Variants in BCR observed in about 807,000 individuals in gnomAD.
BCR encodes the protein breakpoint cluster region protein.
In BCR, 58 loss-of-function variants were observed where a neutral mutation model predicts 138.6. The observed-to-expected ratio is 0.42, with a 90% CI of 0.34 to 0.52. The LOEUF is 0.52. Ranked by LOEUF, BCR falls within the 20% of genes least tolerant of loss-of-function variation. The pLI is 0.06. For missense variants in BCR, 1,599 were observed against 1,727.2 expected (o/e 0.93, Z 1.32); for synonymous variants, 786 against 730.1 (o/e 1.08, Z -1.23).
At chr22:23,241,313 A>C (rs1047779565) in intron 1 of BCR, among the ~76,000 whole-genome samples, 1 of 152,160 alleles carries the variant, frequency 6.6e-6, no homozygotes, top group Admixed American at 6.5e-5. Context: ...AGCAGGGGGA[A>C]GTCCCTCTTC....
rs543830089 is a variant in BCR at position 23,288,916 on chromosome 22, C to G, written c.2603-601C>G. On this transcript the variant is annotated intron_variant, in intron 12 of 22. Coordinates refer to ENST00000305877, the MANE Select transcript of BCR (RefSeq NM_004327.4). ...ATGCCTCTGGCCTGGCCTGACCTCC[C>G]GCGCCCTCAGGCTCATCATTCTCAC... Among the ~76,000 whole-genome samples the G allele has an allele frequency of 2.0e-5, 3 of 152,336 alleles. No individual in the cohort carries two copies. In the East Asian group the frequency reaches 5.8e-4, roughly 29 times the overall value.
At chr22:23,284,130 T>C in intron 9 of BCR, 32 bp downstream of exon 9, 1 of 1,610,448 alleles carries the variant, frequency 6.2e-7, no homozygotes, top group African/African-American at 1.3e-5. Flanking sequence ...GTCCCAGCAG[T>C]GACCCCACCC....
At chr22:23,248,681 G>A (rs1187126108) in intron 1 of BCR, among the ~76,000 whole-genome samples, 1 of 152,124 alleles carries the variant, frequency 6.6e-6, no homozygotes, top group Admixed American at 6.5e-5. Context: ...CCAACCCTGG[G>A]CTGTCTGCAC....
chr22:23,314,746 C>G (rs749308555), intron 22 of BCR, 32 bp downstream of exon 22: 1 of 1,611,252 alleles, frequency 6.2e-7, no homozygotes, highest in African/African-American at 1.3e-5. Context: ...CCCATGCAAC[C>G]CTGACCTGAC....
At chr22:23,314,994 G>A (rs925376179) in intron 22 of BCR, among the ~76,000 whole-genome samples, 1 of 152,236 alleles carries the variant, frequency 6.6e-6, no homozygotes, top group Admixed American at 6.5e-5. Flanking sequence ...GGAGGCCAAG[G>A]CAGGATAACC....
At position 23,181,865 on chromosome 22, in the gene BCR, C is replaced by G. The variant is rs200084988; in HGVS notation, c.905C>G (p.Thr302Ser). Residue 302 changes from threonine to serine, a missense_variant, in exon 1 of 23, where the codon ACC becomes AGC. Thr to Ser is a moderately conservative substitution (Grantham distance 58). Around this residue, in one of 4 missense-constraint regions of BCR, gnomAD observed 806 missense variants for 635.0 expected, o/e 1.27. Transcript: ENST00000305877. ...GGCCCGCTCCTGCGCAGCCAGAGCA[C>G]CTCTGAGCAGGAGAAGCGCCTTACC... ...GKGPLLRSQS[T>S]SEQEKRLTWP... The G allele has an allele frequency of 3.1e-6, 5 of 1,613,130 alleles. No individual in the cohort carries two copies. In the East Asian group the frequency reaches 1.1e-4, roughly 36 times the overall value.
intron 1 of BCR, among the ~76,000 whole-genome samples, chr22:23,196,997 T>C (rs1265626239): frequency 6.6e-6 from 1 of 152,218 alleles, no homozygotes; most frequent in Non-Finnish European, 1.5e-5. Flanking sequence ...ATGCCATAGC[T>C]AGCTTTTGCA....
intron 17 of BCR, chr22:23,309,843 A>G (rs2073988575): frequency 2.8e-6 from 1 of 363,118 alleles, no homozygotes; most frequent in Non-Finnish European, 5.0e-6. Context: ...GACACACCCA[A>G]AAAGGCCCGG....
In BCR at chr22:23,317,315, C is replaced by T. The variant is rs2146336424; in HGVS notation, c.*1793C>T. The stretch of plus-strand genomic sequence containing the variant: ...TTTCTTGCTGGGAGAGCACAGCCAC[C>T]ATTTACAAGCAGTGTCACCGTCGTG... On this transcript the variant is annotated 3_prime_UTR_variant, in exon 23 of 23. Transcript: ENST00000305877. The T allele has an allele frequency of 5.6e-6, 1 of 179,752 alleles. No homozygotes were observed. Among genetic ancestry groups the T allele is most frequent in the South Asian group, 2.3e-4 (1 of 4,266 alleles). The allele number at this position is 179,752 out of a possible 1,614,324, so 11.1% of individuals were successfully genotyped here. A position where few individuals can be genotyped will look rare whatever the true frequency, so the allele number is the denominator to read the frequency against.
chr22:23,221,190 AG>A (rs1320627282), intron 1 of BCR, among the ~76,000 whole-genome samples: 2 of 152,202 alleles, frequency 1.3e-5, no homozygotes, highest in African/African-American at 2.4e-5. Context: ...TACAAATTGG[AG>A]GATGGCGATG....
intron 1 of BCR, among the ~76,000 whole-genome samples, chr22:23,234,972 G>C (rs542619977): frequency 4.2e-5 from 6 of 144,270 alleles, no homozygotes; most frequent in African/African-American, 1.2e-4. Context: ...CCCCGACTCT[G>C]TGGCCACACA....
chr22:23,270,279 T>C (rs1349924398), intron 5 of BCR, among the ~76,000 whole-genome samples: 1 of 152,090 alleles, frequency 6.6e-6, no homozygotes. Context: ...TCTGGTTCCA[T>C]GGAACACCAG....
At chr22:23,244,776 G>A (rs897493865) in intron 1 of BCR, among the ~76,000 whole-genome samples, 41 of 152,202 alleles carry the variant, frequency 2.7e-4, no homozygotes, top group African/African-American at 9.9e-4. Context: ...CCCAGGTGCT[G>A]CTGAGGAATA....
intron 4 of BCR, chr22:23,262,096 C>A (rs1406675561): frequency 2.9e-5 from 1 of 34,598 alleles, no homozygotes; most frequent in African/African-American, 2.3e-4. Context: ...CACGCCATCA[C>A]ACCCTGTGTG....
At position 23,311,757 on chromosome 22, in the gene BCR, A is replaced by C. The variant is rs2074010256; in HGVS notation, c.3243A>C (p.Arg1081=). 1.2e-6 allele frequency: 2 copies of C among 1,611,532 alleles called. No homozygotes were observed. The highest frequency in any genetic ancestry group is 1.7e-6 in the Non-Finnish European group (2 of 1,179,832). Residue 1081 remains arginine, a synonymous_variant, in exon 19 of 23, where the codon CGA becomes CGC. Transcript: ENST00000305877. ...AGTGCGTGGAGGAGATCGAGCGCCG[A>C]GGCATGGAGGAGGTGGGCATCTACC... ...VRQCVEEIER[R]GMEEVGIYRV...
intron 8 of BCR, among the ~76,000 whole-genome samples, chr22:23,281,240 C>G (rs1478942114): frequency 6.6e-6 from 1 of 152,258 alleles, no homozygotes; most frequent in African/African-American, 2.4e-5. Context: ...GGCCCTGGCC[C>G]TCTCTGTCCC....
At chr22:23,205,592 C>T (rs561196255) in intron 1 of BCR, among the ~76,000 whole-genome samples, 39 of 151,994 alleles carry the variant, frequency 2.6e-4, no homozygotes, top group South Asian at 6.2e-4. Flanking sequence ...ACAGCCAAAG[C>T]CTAGGCAGGA....
intron 1 of BCR, among the ~76,000 whole-genome samples, chr22:23,252,432 C>T (rs6519424): frequency 0.49 from 56,957 of 116,932 alleles, 14,839 homozygotes; most frequent in African/African-American, 0.59. Flanking sequence ...CTTTTCTTTT[C>T]TTTTTTTTTT....
chr22:23,257,811 C>A (rs1353462102), intron 2 of BCR, among the ~76,000 whole-genome samples: 9 of 152,318 alleles, frequency 5.9e-5, no homozygotes, highest in Admixed American at 3.9e-4. Context: ...GTTCCTTGGA[C>A]CCAACTGTCT....
Sources: allele counts gnomAD v4.1 joint callset (sites outside exome capture counted in the v4.1 genomes callset), GRCh38; gene constraint gnomAD v4.1.1; regional missense constraint gnomAD v4.1.1; transcripts MANE v1.5; gene names NCBI Gene and HGNC (gene_info 2026-07-23, HGNC 2026-07-21).